POU6F2: variants seen among roughly 807,000 people sequenced by gnomAD.
The protein encoded by POU6F2 is POU class 6 homeobox 2, also known as POU domain, class 6, transcription factor 2.
Under a neutral mutation model 71.3 loss-of-function variants are expected in POU6F2, and 31 were observed. The ratio of observed to expected loss-of-function variants is 0.43; its 90% CI spans 0.33 to 0.59. The LOEUF (loss-of-function observed/expected upper bound fraction) is 0.59. Among genes scored for constraint, POU6F2 ranks in the 20% least tolerant of loss-of-function variants. The pLI, the probability that POU6F2 is intolerant of heterozygous loss-of-function variation, is 0.04. For missense variants in POU6F2, 783 were observed against 856.8 expected (o/e 0.91, Z 1.07); for synonymous variants, 347 against 355.7 (o/e 0.98, Z 0.27).
rs192206591 is a variant in POU6F2 at position 39,365,900 on chromosome 7, C to G, written c.972+25885C>G. On this transcript the variant is annotated intron_variant, in intron 5 of 9. Coordinates refer to ENST00000518318, the MANE Select transcript of POU6F2 (RefSeq NM_001370959.1). The stretch of plus-strand genomic sequence containing the variant: ...CTACTTGAGGTTAATGGTTATGTAT[C>G]TGAAGTCAGGTTGATCAGCACAGTT... 2.6e-5 allele frequency among the ~76,000 whole-genome samples: 4 copies of G among 152,266 alleles called. No individual in the cohort carries two copies. The East Asian group carries it at 7.7e-4, about 29-fold the overall frequency.
At chr7:39,275,345 G>A (rs1784416486) in intron 4 of POU6F2, among the ~76,000 whole-genome samples, 1 of 152,074 alleles carries the variant, frequency 6.6e-6, no homozygotes, top group South Asian at 2.1e-4. Context: ...AACCTACAAG[G>A]GACGTGAAGG....
intron 1 of POU6F2, among the ~76,000 whole-genome samples, chr7:38,985,815 T>C (rs1365012268): frequency 6.6e-6 from 1 of 152,094 alleles, no homozygotes; most frequent in Non-Finnish European, 1.5e-5. Flanking sequence ...ACAAGAGGTG[T>C]TTGTAGTAAT....
chr7:39,225,773 G>A (rs188329220), intron 4 of POU6F2, among the ~76,000 whole-genome samples: 3 of 152,162 alleles, frequency 2.0e-5, no homozygotes, highest in Non-Finnish European at 2.9e-5. Context: ...GTGAATGTGC[G>A]TGTGTTCTTC....
At chr7:39,308,486 C>G (rs1785090411) in intron 4 of POU6F2, among the ~76,000 whole-genome samples, 1 of 152,222 alleles carries the variant, frequency 6.6e-6, no homozygotes, top group Non-Finnish European at 1.5e-5. Flanking sequence ...TCTGGCCCTA[C>G]ACACTTCCTA....
chr7:39,271,667 G>C (rs1784342157), intron 4 of POU6F2, among the ~76,000 whole-genome samples: 1 of 152,122 alleles, frequency 6.6e-6, no homozygotes, highest in Non-Finnish European at 1.5e-5. Context: ...CCGTCTCGTG[G>C]CTGAGCAAAC....
At chr7:39,387,254 C>G (rs1388850270) in intron 5 of POU6F2, among the ~76,000 whole-genome samples, 2 of 152,216 alleles carry the variant, frequency 1.3e-5, no homozygotes, top group African/African-American at 4.8e-5. Flanking sequence ...CACATATGGA[C>G]ACGCATGAAC....
At chr7:39,097,884 A>G (rs1285351978) in intron 2 of POU6F2, among the ~76,000 whole-genome samples, 1 of 152,214 alleles carries the variant, frequency 6.6e-6, no homozygotes, top group Non-Finnish European at 1.5e-5. Context: ...TTTTTAGGCA[A>G]TTTTAAGCCT....
chr7:39,300,594 A>G (rs1415430586), intron 4 of POU6F2, among the ~76,000 whole-genome samples: 2 of 152,220 alleles, frequency 1.3e-5, no homozygotes, highest in Admixed American at 6.5e-5. Flanking sequence ...AAAGTCTGCA[A>G]TCGAGGTGTC....
At chr7:39,194,320 C>T (rs1025361252) in intron 2 of POU6F2, among the ~76,000 whole-genome samples, 2 of 152,196 alleles carry the variant, frequency 1.3e-5, no homozygotes, top group Non-Finnish European at 2.9e-5. Flanking sequence ...GTCTTGAGAT[C>T]GAGAACACAT....
intron 1 of POU6F2, among the ~76,000 whole-genome samples, chr7:39,059,522 A>G (rs1378717581): frequency 6.6e-6 from 1 of 151,830 alleles, no homozygotes; most frequent in African/African-American, 2.4e-5. Context: ...AAAAAAAGGA[A>G]AATAACAAGT....
At chr7:39,228,545 G>A (rs78055465) in intron 4 of POU6F2, among the ~76,000 whole-genome samples, 2,627 of 152,270 alleles carry the variant, frequency 0.017, 67 homozygotes, top group African/African-American at 0.06. Context: ...AAAAGGTCAC[G>A]GATCTGTCAC....
intron 5 of POU6F2, among the ~76,000 whole-genome samples, chr7:39,374,442 A>G (rs1786672352): frequency 6.6e-6 from 1 of 152,206 alleles, no homozygotes; most frequent in South Asian, 2.1e-4. Flanking sequence ...AGATACTGAC[A>G]GCTTTCTGGG....
intron 2 of POU6F2, among the ~76,000 whole-genome samples, chr7:39,190,159 GT>G (rs35525930): frequency 0.031 from 4,648 of 152,064 alleles, 103 homozygotes; most frequent in Middle Eastern, 0.058. Context: ...ACCTTCCAAA[GT>G]GCTGGGATTA....
chr7:39,417,612 A>T (rs1357809114), intron 6 of POU6F2, among the ~76,000 whole-genome samples: 1 of 152,146 alleles, frequency 6.6e-6, no homozygotes, highest in Non-Finnish European at 1.5e-5. Context: ...AAATGCTATT[A>T]ATCAAACAAC....
chr7:39,084,133 CT>C (rs1791187437), intron 1 of POU6F2, among the ~76,000 whole-genome samples: 1 of 152,252 alleles, frequency 6.6e-6, no homozygotes, highest in South Asian at 2.1e-4. Context: ...TCTGCACTTG[CT>C]TTTTTATTTA....
chr7:39,398,682 G>C (rs982514885), intron 5 of POU6F2, among the ~76,000 whole-genome samples: 2 of 152,200 alleles, frequency 1.3e-5, no homozygotes, highest in African/African-American at 2.4e-5. Context: ...AGCTGAGGTA[G>C]TTGAGGATCT....
At chr7:39,462,244 A>G (rs1254320089) in intron 9 of POU6F2, among the ~76,000 whole-genome samples, 1 of 152,202 alleles carries the variant, frequency 6.6e-6, no homozygotes, top group Non-Finnish European at 1.5e-5. Context: ...GGGAATTTCT[A>G]GTATAATAGA....
At chr7:39,103,435 G>A (rs1316070701) in intron 2 of POU6F2, among the ~76,000 whole-genome samples, 1 of 152,162 alleles carries the variant, frequency 6.6e-6, no homozygotes, top group Admixed American at 6.5e-5. Flanking sequence ...ACAAAGAGAT[G>A]TTACATGGCC....
rs35085212 is a variant in POU6F2, at chr7:39,327,278, CAAAA to C, written c.599-12353_599-12350del. Among the ~76,000 whole-genome samples, 519 of 122,298 alleles carry C rather than the reference CAAAA, an allele frequency of 4.2e-3. 3 individuals carry two copies. The highest frequency in any genetic ancestry group is 7.0e-3 in the Non-Finnish European group (398 of 56,734). 80.2% of individuals were successfully genotyped at this position (122,298 alleles called of 152,430 possible). A position where few individuals can be genotyped will look rare whatever the true frequency, so the allele number is the denominator to read the frequency against. Reference sequence around the variant, plus strand: ...TGGGTGACAGAGGGAGACTCTGTCTCAAAAAAAAAAAAAACAGAAATTCATACGC... The same window carrying C: ...TGGGTGACAGAGGGAGACTCTGTCTCAAAAAAAAAACAGAAATTCATACGC... On this transcript the variant is annotated intron_variant, in intron 4 of 9. Transcript: ENST00000518318.
Sources: gnomAD v4.1 joint callset for allele counts (sites outside exome capture counted in the v4.1 genomes callset) on GRCh38, gnomAD v4.1.1 for gene constraint, MANE v1.5 for transcripts, NCBI Gene and HGNC (gene_info 2026-07-23, HGNC 2026-07-21) for gene names.